Variants in MAGI3 observed in about 807,000 individuals in gnomAD.
The protein encoded by MAGI3 is membrane associated guanylate kinase, WW and PDZ domain containing 3, also known as membrane-associated guanylate kinase, WW and PDZ domain-containing protein 3.
MAGI3 carries 43 observed loss-of-function variants against 121.8 expected under a neutral mutation model. The ratio of observed to expected loss-of-function variants is 0.35; its 90% CI spans 0.28 to 0.46. The LOEUF is 0.46. MAGI3 is among the 20% of genes least tolerant of loss of function. The pLI is 1.00. For missense variants in MAGI3, 1,547 were observed against 1,797.3 expected (o/e 0.86, Z 2.52); for synonymous variants, 553 against 639.3 (o/e 0.86, Z 2.04).
In MAGI3 at chr1:113,617,001, G is replaced by A. The variant is rs146072426; in HGVS notation, c.1076+2343G>A. On this transcript the variant is annotated intron_variant, in intron 7 of 20. Coordinates refer to ENST00000307546, the MANE Select transcript of MAGI3 (RefSeq NM_001142782.2). ...TGCCTCCCAGGTTCAAGTGATTCTC[G>A]TACCTCAGCCCCCCAGTAGCTGAGA... Among the ~76,000 whole-genome samples, 360 of 150,602 alleles carry A rather than the reference G, an allele frequency of 2.4e-3. 2 individuals carry two copies. The highest frequency in any genetic ancestry group is 8.0e-3 in the African/African-American group (330 of 41,008).
intron 6 of MAGI3, among the ~76,000 whole-genome samples, chr1:113,607,103 A>T (rs1252418011): frequency 6.6e-6 from 1 of 152,018 alleles, no homozygotes; most frequent in Non-Finnish European, 1.5e-5. Context: ...TCTCTCTTTA[A>T]TACATCTTTT....
At chr1:113,446,247 G>A (rs919384248) in intron 1 of MAGI3, among the ~76,000 whole-genome samples, 1 of 152,138 alleles carries the variant, frequency 6.6e-6, no homozygotes, top group Admixed American at 6.6e-5. Context: ...CAAAAGGGGA[G>A]GAAATGGAGC....
Position 113,641,943 on chromosome 1 carries a change from G to T in MAGI3, c.1393G>T (p.Val465Phe). 1 of 1,596,220 alleles carries T rather than the reference G, an allele frequency of 6.3e-7. No homozygotes were observed. Among genetic ancestry groups the T allele is most frequent in the Non-Finnish European group, 8.6e-7 (1 of 1,165,172 alleles). ...DVIVDINGNC[V>F]LGHTHADVVQ... ...TATTGTAGACATCAATGGCAACTGT[G>T]TCCTCGGTCACACTCATGCAGATGT... The change falls in exon 10 of 21, where the codon GTC (valine) becomes TTC (phenylalanine). Residue 465 changes from valine (V) to phenylalanine (F), a missense_variant. By Grantham distance (50) the Val-to-Phe change is conservative. Coordinates refer to ENST00000307546, the MANE Select transcript of MAGI3 (RefSeq NM_001142782.2).
In MAGI3 at chr1:113,450,614, C is replaced by A. The variant is rs528239119; in HGVS notation, c.316+59265C>A. ...TTTTGGAAATTATAGTGGACAACAG[C>A]AATCAAATTATGGACCCGTGAAAGG... On this transcript the variant is annotated intron_variant, in intron 1 of 20. Transcript: ENST00000307546. 113 of 1,080,814 alleles carry A rather than the reference C, an allele frequency of 1.0e-4. No homozygotes were observed. The East Asian group carries it at 2.6e-3, about 25-fold the overall frequency. 67.0% of individuals were successfully genotyped at this position (1,080,814 alleles called of 1,614,324 possible). A position where few individuals can be genotyped will look rare whatever the true frequency, so the allele number is the denominator to read the frequency against.
At chr1:113,535,276 A>G (rs886277980) in intron 1 of MAGI3, among the ~76,000 whole-genome samples, 1 of 152,186 alleles carries the variant, frequency 6.6e-6, no homozygotes, top group African/African-American at 2.4e-5. Context: ...TTTCTAAAAA[A>G]TGGTATACTT....
intron 1 of MAGI3, among the ~76,000 whole-genome samples, chr1:113,510,966 TTACA>T (rs960563705): frequency 3.3e-5 from 5 of 152,320 alleles, no homozygotes; most frequent in African/African-American, 1.2e-4. Flanking sequence ...ATACATTACA[TTACA>T]GTTAATTGTT....
intron 1 of MAGI3, among the ~76,000 whole-genome samples, chr1:113,514,939 A>G (rs886699703): frequency 6.6e-6 from 1 of 152,082 alleles, no homozygotes; most frequent in Non-Finnish European, 1.5e-5. Flanking sequence ...ACTTCACTAA[A>G]TTCTCACATC....
At chr1:113,609,949 C>G (rs1056342465) in intron 6 of MAGI3, among the ~76,000 whole-genome samples, 2 of 152,246 alleles carry the variant, frequency 1.3e-5, no homozygotes, top group African/African-American at 4.8e-5. Flanking sequence ...TTTCCACAAG[C>G]AAATTTTTGT....
intron 1 of MAGI3, among the ~76,000 whole-genome samples, chr1:113,396,287 TTG>T (rs3058309): frequency 2.6e-4 from 38 of 146,868 alleles, no homozygotes; most frequent in Middle Eastern, 3.2e-3. Context: ...AATGTCAGGG[TTG>T]TGTGTGTGTG....
At chr1:113,574,619 T>C (rs1389505254) in intron 2 of MAGI3, among the ~76,000 whole-genome samples, 1 of 152,198 alleles carries the variant, frequency 6.6e-6, no homozygotes, top group Non-Finnish European at 1.5e-5. Context: ...GCCCTTAACA[T>C]TTTTTCCTTC....
Position 113,683,214 on chromosome 1 carries a change from A to G in MAGI3, c.3646A>G (p.Thr1216Ala). 1 of 1,614,012 alleles carries G rather than the reference A, an allele frequency of 6.2e-7. No individual in the cohort carries two copies. Among genetic ancestry groups the G allele is most frequent in the Non-Finnish European group, 8.5e-7 (1 of 1,179,892 alleles). The change falls in exon 21 of 21, where the codon ACA (threonine) becomes GCA (alanine). Residue 1216 changes from threonine to alanine, a missense_variant. By Grantham distance (58) the Thr-to-Ala change is moderately conservative (BLOSUM62 0). Coordinates refer to ENST00000307546, the MANE Select transcript of MAGI3 (RefSeq NM_001142782.2). ...TCTATTAAAAGTAGAAAATGGTGTT[A>G]CACGAAGAGGTAGATCGGTTAGTCC... ...KNLLKVENGV[T>A]RRGRSVSPKK...
At chr1:113,605,110 AT>A (rs1649674051) in intron 6 of MAGI3, among the ~76,000 whole-genome samples, 1 of 152,006 alleles carries the variant, frequency 6.6e-6, no homozygotes, top group African/African-American at 2.4e-5. Context: ...TTACCTGAAC[AT>A]TTTTTAGAAC....
intron 1 of MAGI3, among the ~76,000 whole-genome samples, chr1:113,413,967 G>A (rs915377335): frequency 6.6e-6 from 1 of 152,100 alleles, no homozygotes; most frequent in African/African-American, 2.4e-5. Flanking sequence ...GGTTTTCAAA[G>A]GGATGCTTCC....
At chr1:113,431,604 A>T (rs1449922142) in intron 1 of MAGI3, among the ~76,000 whole-genome samples, 2 of 152,186 alleles carry the variant, frequency 1.3e-5, no homozygotes, top group African/African-American at 4.8e-5. Flanking sequence ...AATCTATTTT[A>T]AAAAAGACAA....
intron 17 of MAGI3, among the ~76,000 whole-genome samples, 168 bp downstream of exon 17, chr1:113,672,004 A>T (rs1260588881): frequency 6.6e-6 from 1 of 152,062 alleles, no homozygotes; most frequent in East Asian, 1.9e-4. Context: ...CGTCCCCATC[A>T]CCTCCACCCA....
At chr1:113,558,026 C>T (rs562839888) in intron 2 of MAGI3, among the ~76,000 whole-genome samples, 104 of 152,050 alleles carry the variant, frequency 6.8e-4, no homozygotes, top group African/African-American at 1.9e-3. Context: ...AAAACAGCAA[C>T]GAAGAAAAAC....
intron 1 of MAGI3, among the ~76,000 whole-genome samples, chr1:113,465,545 A>C (rs947648742): frequency 6.6e-6 from 1 of 152,022 alleles, no homozygotes; most frequent in Non-Finnish European, 1.5e-5. Flanking sequence ...GAAGAGTGTT[A>C]CTGGTATTTT....
chr1:113,564,352 G>A (rs755445595), intron 2 of MAGI3, among the ~76,000 whole-genome samples: 14 of 152,166 alleles, frequency 9.2e-5, no homozygotes, highest in Non-Finnish European at 1.8e-4. Flanking sequence ...TACCTTGAGA[G>A]CCCAAATGAC....
intron 1 of MAGI3, among the ~76,000 whole-genome samples, chr1:113,457,202 TTC>T (rs1654803045): frequency 6.6e-6 from 1 of 152,210 alleles, no homozygotes; most frequent in Non-Finnish European, 1.5e-5. Context: ...TGAGTCATAT[TTC>T]TTTTTTTCAG....
Sources: allele counts gnomAD v4.1 joint callset (sites outside exome capture counted in the v4.1 genomes callset), GRCh38; gene constraint gnomAD v4.1.1; transcripts MANE v1.5; gene names NCBI Gene and HGNC (gene_info 2026-07-23, HGNC 2026-07-21).